The following SORBS2 variants were observed in gnomAD, a reference collection of about 807,000 sequenced individuals.
SORBS2 encodes the protein sorbin and SH3 domain containing 2.
SORBS2 carries 46 observed loss-of-function variants against 97.7 expected under a neutral mutation model. That is an observed-to-expected ratio of 0.47 (90% CI 0.37 to 0.60). The LOEUF is 0.60. Ranked by LOEUF, SORBS2 falls within the 20% of genes least tolerant of loss-of-function variation. SORBS2 has a pLI of 0.00. For missense variants in SORBS2, 1,316 were observed against 1,282.3 expected, an observed-to-expected ratio of 1.03 and a Z score of -0.40; for synonymous variants, 476 against 473.4, an observed-to-expected ratio of 1.01 and a Z score of -0.07.
intron 1 of SORBS2, among the ~76,000 whole-genome samples, chr4:185,932,533 C>T (rs1193585120): frequency 1.3e-5 from 2 of 152,142 alleles, no homozygotes; most frequent in Non-Finnish European, 2.9e-5. Context: ...CAAATCAACA[C>T]CTCACCATTA....
At chr4:185,855,375 TA>T in intron 1 of SORBS2, among the ~76,000 whole-genome samples, 1 of 152,324 alleles carries the variant, frequency 6.6e-6, no homozygotes, top group African/African-American at 2.4e-5. Flanking sequence ...GGGCTCCACT[TA>T]ATGTATCAAT....
chr4:185,950,829 G>T (rs1373984821), intron 1 of SORBS2, among the ~76,000 whole-genome samples: 8 of 152,184 alleles, frequency 5.3e-5, no homozygotes, highest in Non-Finnish European at 7.3e-5. Context: ...GCTCTTTTGG[G>T]GTTGAGGGAA....
At chr4:185,744,093 C>A (rs2098745412) in intron 2 of SORBS2, among the ~76,000 whole-genome samples, 2 of 134,808 alleles carry the variant, frequency 1.5e-5, no homozygotes, top group Admixed American at 1.5e-4. Flanking sequence ...TTCCACTTCC[C>A]CCTTTCTCTT....
At chr4:185,617,050 C>A (rs2096639656) in intron 9 of SORBS2, among the ~76,000 whole-genome samples, 2 of 152,252 alleles carry the variant, frequency 1.3e-5, no homozygotes, top group Non-Finnish European at 2.9e-5. Context: ...TGCCCAGCTG[C>A]TTTTTAAAAT....
Position 185,606,128 on chromosome 4 carries a change from T to C in SORBS2, c.2796+5652A>G. On this transcript the variant is annotated intron_variant, in intron 12 of 14. Transcript: ENST00000418609. This position sits in a 1 kb window ranked among gnomAD's most constrained non-coding sequence, Gnocchi z 4.3. Reference sequence around the variant, plus strand: ...AAGTGCCGTTATGTCAAAGGTATGGTGTACAGTTTCTCATCCTGGAATAGG... The same window carrying C: ...AAGTGCCGTTATGTCAAAGGTATGGCGTACAGTTTCTCATCCTGGAATAGG... 1.0e-6 allele frequency: 1 copy of C among 985,400 alleles called. No homozygotes were observed. Among genetic ancestry groups the C allele is most frequent in the Non-Finnish European group, 1.2e-6 (1 of 829,910 alleles). The allele number at this position is 985,400 out of a possible 1,614,324, so 61.0% of individuals were successfully genotyped here.
At chr4:185,632,896 A>G (rs2096930970) in intron 4 of SORBS2, among the ~76,000 whole-genome samples, 1 of 152,214 alleles carries the variant, frequency 6.6e-6, no homozygotes, top group African/African-American at 2.4e-5. Flanking sequence ...TCAGTATTAA[A>G]TTGTAAGATA....
intron 12 of SORBS2, among the ~76,000 whole-genome samples, chr4:185,599,204 C>A (rs2096194617): frequency 6.6e-6 from 1 of 152,144 alleles, no homozygotes; most frequent in Non-Finnish European, 1.5e-5. Context: ...TCTTGAAATG[C>A]AGAAGCACGG....
chr4:185,665,904 G>A (rs557253955), intron 4 of SORBS2: 1 of 1,196,416 alleles, frequency 8.4e-7, no homozygotes. Context: ...GCTCGGCCAG[G>A]GAGGAGTCTG....
chr4:185,869,295 G>T (rs1389542781), intron 1 of SORBS2, among the ~76,000 whole-genome samples: 6 of 152,034 alleles, frequency 3.9e-5, no homozygotes, highest in Non-Finnish European at 8.8e-5. Context: ...TTTCAGGTAG[G>T]AAATGTATTC....
intron 1 of SORBS2, among the ~76,000 whole-genome samples, chr4:185,779,724 T>C (rs1247188721): frequency 1.3e-5 from 2 of 152,222 alleles, no homozygotes; most frequent in Non-Finnish European, 2.9e-5. Context: ...AGTTGTGCTA[T>C]AGATGTTTAG....
intron 1 of SORBS2, among the ~76,000 whole-genome samples, chr4:185,888,796 G>C (rs1300346857): frequency 6.6e-6 from 1 of 151,658 alleles, no homozygotes; most frequent in Non-Finnish European, 1.5e-5. Context: ...CTCCTCCTCT[G>C]AACACTCAAC....
At chr4:185,891,217 C>A (rs376912893) in intron 1 of SORBS2, among the ~76,000 whole-genome samples, 27 of 152,224 alleles carry the variant, frequency 1.8e-4, no homozygotes, top group Middle Eastern at 3.4e-3. Context: ...TGAAATTAAA[C>A]CCAAGAAGCC....
At chr4:185,627,512 C>G (rs1473282010) in intron 5 of SORBS2, among the ~76,000 whole-genome samples, 1 of 152,110 alleles carries the variant, frequency 6.6e-6, no homozygotes, top group Non-Finnish European at 1.5e-5. Context: ...ACCACTGTGC[C>G]CGGACAACTA....
At chr4:185,701,411 T>A (rs916254142) in intron 2 of SORBS2, among the ~76,000 whole-genome samples, 1 of 152,198 alleles carries the variant, frequency 6.6e-6, no homozygotes, top group African/African-American at 2.4e-5. Flanking sequence ...GTAGAGAATG[T>A]CTGTGTGGAC....
At chr4:185,591,271 GCTT>G (rs1210350464) in intron 13 of SORBS2, among the ~76,000 whole-genome samples, 1 of 152,112 alleles carries the variant, frequency 6.6e-6, no homozygotes, top group East Asian at 1.9e-4. Context: ...AACATTAGAG[GCTT>G]CTTCTCCTGT....
At chr4:185,722,160 AGACAG>A (rs2098519792) in intron 2 of SORBS2, among the ~76,000 whole-genome samples, 1 of 152,256 alleles carries the variant, frequency 6.6e-6, no homozygotes, top group Admixed American at 6.5e-5. Flanking sequence ...CACTGGGTCC[AGACAG>A]GATGATGAAA....
At chr4:185,628,623 C>T (rs1048847432) in intron 5 of SORBS2, among the ~76,000 whole-genome samples, 2 of 152,118 alleles carry the variant, frequency 1.3e-5, no homozygotes, top group African/African-American at 2.4e-5. Context: ...GTGTCATGTG[C>T]CTGTAGTCCC....
chr4:185,773,736 A>G (rs1189529902), intron 2 of SORBS2: 1 of 152,296 alleles, frequency 6.6e-6, no homozygotes, highest in Middle Eastern at 3.1e-3. Flanking sequence ...AGGACTGTGA[A>G]AATACCTTGT....
intron 1 of SORBS2, among the ~76,000 whole-genome samples, chr4:185,939,525 T>C (rs2099270785): frequency 1.3e-5 from 2 of 152,168 alleles, no homozygotes; most frequent in Admixed American, 1.3e-4. Context: ...TTCTTTTTTT[T>C]TTGAGATGGA....
Sources: allele counts gnomAD v4.1 joint callset (sites outside exome capture counted in the v4.1 genomes callset), GRCh38; gene constraint gnomAD v4.1.1; non-coding constraint Gnocchi (gnomAD v3.1); transcripts MANE v1.5; gene names NCBI Gene and HGNC (gene_info 2026-07-23, HGNC 2026-07-21).